CDX2: variants seen among roughly 807,000 people sequenced by gnomAD.
CDX2 encodes the protein homeobox protein CDX-2.
CDX2 carries 7 observed loss-of-function variants against 25.5 expected under a neutral mutation model. The ratio of observed to expected loss-of-function variants is 0.27; its 90% CI spans 0.16 to 0.52. The LOEUF is 0.52. Among genes scored for constraint, CDX2 ranks in the 20% least tolerant of loss-of-function variants. CDX2 has a pLI of 0.97. For synonymous variants in CDX2, 222 were observed against 198.6 expected, an observed-to-expected ratio of 1.12 and a Z score of -0.99; for missense variants, 375 against 431.4, an observed-to-expected ratio of 0.87 and a Z score of 1.16.
At position 27,961,216 on chromosome 13, in the gene CDX2, T is replaced by A. The variant is rs1202525872; in HGVS notation, c.*1899A>T. On this transcript the variant is annotated 3_prime_UTR_variant, in exon 3 of 3. Coordinates refer to ENST00000381020, the MANE Select transcript of CDX2 (RefSeq NM_001265.6). The stretch of plus-strand genomic sequence containing the variant: ...AGCCCCTTTCCCAATCCTGGAGCTG[T>A]ATACGCCACCCGGAAGGGCCGCGGA... Among the ~76,000 whole-genome samples, 1 of 152,212 alleles carries A rather than the reference T, an allele frequency of 6.6e-6. No homozygotes were observed. Among genetic ancestry groups the A allele is most frequent in the Non-Finnish European group, 1.5e-5 (1 of 68,024 alleles).
chr13:27,961,964 C>G lies in CDX2; in HGVS notation c.*1151G>C, dbSNP rs890820234. Among the ~76,000 whole-genome samples the G allele has an allele frequency of 6.6e-6, 1 of 152,090 alleles. No individual in the cohort carries two copies. Among genetic ancestry groups the G allele is most frequent in the African/African-American group, 2.4e-5 (1 of 41,394 alleles). Reference sequence around the variant, plus strand: ...GCTCAGGCTTGGGGGCAGGGAAGGTCTCAGAACCTGCTCTTTCAGGCTTCT... The same window carrying G: ...GCTCAGGCTTGGGGGCAGGGAAGGTGTCAGAACCTGCTCTTTCAGGCTTCT... On this transcript the variant is annotated 3_prime_UTR_variant, in exon 3 of 3. Coordinates refer to ENST00000381020, the MANE Select transcript of CDX2 (RefSeq NM_001265.6).
rs1238245549 is a variant in CDX2 at position 27,960,954 on chromosome 13, A to G, written c.*2161T>C. On this transcript the variant is annotated 3_prime_UTR_variant, in exon 3 of 3. Coordinates refer to ENST00000381020, the MANE Select transcript of CDX2 (RefSeq NM_001265.6). ...AACAGGGTTTATTGACAGGCGTTTC[A>G]CGGCAACGCATAGCAACCCCGGCGG... Among the ~76,000 whole-genome samples the G allele has an allele frequency of 6.6e-6, 1 of 152,224 alleles. No homozygotes were observed. Among genetic ancestry groups the G allele is most frequent in the Non-Finnish European group, 1.5e-5 (1 of 68,032 alleles).
Position 27,968,578 on chromosome 13 carries a change from G to T in CDX2, c.429C>A (p.Gly143=). The stretch of plus-strand genomic sequence containing the variant: ...CAGCGGTGGCGGCGGGCCCAGGAGG[G>T]CCGGGGTTGAGCGTTTGCAGCAGCC... The part of the protein sequence containing the change: ...ASGLLQTLNP[G]PPGPAATAAA... Residue 143 remains glycine (G), a synonymous_variant, in exon 1 of 3, where the codon GGC becomes GGA. Transcript: ENST00000381020. 1 of 1,572,542 alleles carries T rather than the reference G, an allele frequency of 6.4e-7. No individual in the cohort carries two copies. Among genetic ancestry groups the T allele is most frequent in the Non-Finnish European group, 8.6e-7 (1 of 1,168,490 alleles).
rs1324248754 is a variant in CDX2, at chr13:27,968,937, G to A, written c.70C>T (p.Leu24Phe). The change falls in exon 1 of 3, where the codon CTC becomes TTC. Residue 24 changes from leucine to phenylalanine, a missense_variant. Leu to Phe is a conservative substitution (Grantham distance 22). Transcript: ENST00000381020. ...ACGAAGTTCTGCGGCGCCAGGTTGAGGCCGCCAGAGTGGCGCACGGAGCTA... is the reference window on the plus strand; with the variant it reads ...ACGAAGTTCTGCGGCGCCAGGTTGAAGCCGCCAGAGTGGCGCACGGAGCTA... ...YPSSVRHSGGLNLAPQNFVSP... is the reference protein window; with the variant it reads ...YPSSVRHSGGFNLAPQNFVSP... 1 of 1,608,634 alleles carries A rather than the reference G, an allele frequency of 6.2e-7. No homozygotes were observed. The highest frequency in any genetic ancestry group is 1.7e-5 in the Admixed American group (1 of 59,804).
intron 1 of CDX2, chr13:27,967,227 A>T (rs184723968): frequency 4.1e-6 from 2 of 492,322 alleles, no homozygotes; most frequent in African/African-American, 1.9e-5. Flanking sequence ...CCTCTAGGAG[A>T]AGGGACCAAG....
chr13:27,965,046 ACTG>A (rs2137537819), intron 1 of CDX2, 31 bp from the exon 2 acceptor site: 4 of 1,609,178 alleles, frequency 2.5e-6, no homozygotes, highest in Admixed American at 1.7e-5. Flanking sequence ...AGGGCTGAGA[ACTG>A]CAAGGCAGCC....
intron 1 of CDX2, among the ~76,000 whole-genome samples, chr13:27,968,067 C>G (rs1869423472): frequency 6.6e-6 from 1 of 152,220 alleles, no homozygotes; most frequent in Non-Finnish European, 1.5e-5. Flanking sequence ...CAAGAAGGTT[C>G]GAGCCTCCCT....
At chr13:27,968,272 C>T (rs1437383889) in intron 1 of CDX2, among the ~76,000 whole-genome samples, 194 bp downstream of exon 1, 1 of 152,226 alleles carries the variant, frequency 6.6e-6, no homozygotes. Context: ...TATTCACTCC[C>T]AGGCTCAGTA....
intron 1 of CDX2, chr13:27,967,258 C>A (rs1010833459): frequency 7.9e-6 from 4 of 504,064 alleles, no homozygotes; most frequent in Non-Finnish European, 1.6e-5. Flanking sequence ...GAGGCTCACC[C>A]GAGGCTGATC....
At chr13:27,965,585 C>T (rs149920534) in intron 1 of CDX2, among the ~76,000 whole-genome samples, 1 of 152,160 alleles carries the variant, frequency 6.6e-6, no homozygotes, top group African/African-American at 2.4e-5. Context: ...GGGCTCTGGC[C>T]GAGGGAACAG....
intron 2 of CDX2, among the ~76,000 whole-genome samples, chr13:27,963,842 A>G (rs1326018622): frequency 9.2e-5 from 14 of 152,166 alleles, no homozygotes; most frequent in Non-Finnish European, 4.4e-5. Flanking sequence ...TCTAGACTAT[A>G]TATATAAAAT....
At chr13:27,966,045 A>G (rs1869302049) in intron 1 of CDX2, among the ~76,000 whole-genome samples, 1 of 152,222 alleles carries the variant, frequency 6.6e-6, no homozygotes, top group Non-Finnish European at 1.5e-5. Context: ...TTTGCAAACC[A>G]CAACAAAAGC....
intron 2 of CDX2, among the ~76,000 whole-genome samples, chr13:27,963,961 T>C (rs1869192047): frequency 1.3e-5 from 2 of 152,240 alleles, no homozygotes. Context: ...GTCTTTAATA[T>C]GTCTTTATAG....
chr13:27,967,009 C>T (rs1344219510), intron 1 of CDX2, among the ~76,000 whole-genome samples: 2 of 152,158 alleles, frequency 1.3e-5, no homozygotes, highest in African/African-American at 2.4e-5. Flanking sequence ...TCACAGCGGC[C>T]TCTCATCTGC....
rs1360723671 is a variant in CDX2 at position 27,961,249 on chromosome 13, A to C, written c.*1866T>G. Among the ~76,000 whole-genome samples the C allele has an allele frequency of 6.6e-6, 1 of 152,192 alleles. No individual in the cohort carries two copies. Among genetic ancestry groups the C allele is most frequent in the African/African-American group, 2.4e-5 (1 of 41,454 alleles). On this transcript the variant is annotated 3_prime_UTR_variant, in exon 3 of 3. Transcript: ENST00000381020. ...ACCCGGAAGGGCCGCGGAATTGGAG[A>C]GGTGCTGCAGAGGGTCTATACCTCT...
Position 27,969,309 on chromosome 13 carries a change from C to A in CDX2, c.-303G>T, listed in dbSNP as rs956216424. 3.4e-5 allele frequency: 16 copies of A among 464,888 alleles called. No individual in the cohort carries two copies. Among genetic ancestry groups the A allele is most frequent in the Non-Finnish European group, 5.0e-5 (13 of 261,668 alleles). The allele number at this position is 464,888 out of a possible 1,614,324, so 28.8% of individuals were successfully genotyped here. A position where few individuals can be genotyped will look rare whatever the true frequency, so the allele number is the denominator to read the frequency against. The stretch of plus-strand genomic sequence containing the variant: ...GCGGAGCCCCAGGCCGGCGGCCTTC[C>A]GTGATTAACGAGTGTTTACAAGACT... On this transcript the variant is annotated 5_prime_UTR_variant, in exon 1 of 3. Transcript: ENST00000381020.
intron 1 of CDX2, among the ~76,000 whole-genome samples, chr13:27,966,865 C>G (rs1049941016): frequency 1.3e-5 from 2 of 152,154 alleles, no homozygotes; most frequent in Admixed American, 6.5e-5. Flanking sequence ...CGCGTCCCCC[C>G]CTCCACCCCC....
intron 1 of CDX2, 86 bp from the exon 2 acceptor site, chr13:27,965,101 A>G: frequency 7.1e-7 from 1 of 1,413,008 alleles, no homozygotes; most frequent in Non-Finnish European, 9.7e-7. Context: ...ACCCAGGGAC[A>G]TTTCTCTTCC....
At chr13:27,963,675 C>G (rs1360868994) in intron 2 of CDX2, among the ~76,000 whole-genome samples, 1 of 152,116 alleles carries the variant, frequency 6.6e-6, no homozygotes, top group Admixed American at 6.5e-5. Flanking sequence ...ACTGCAAGGC[C>G]CTTTCTACAC....
Sources: gnomAD v4.1 joint callset for allele counts (sites outside exome capture counted in the v4.1 genomes callset) on GRCh38, gnomAD v4.1.1 for gene constraint, MANE v1.5 for transcripts, NCBI Gene and HGNC (gene_info 2026-07-23, HGNC 2026-07-21) for gene names.